The following TCF12 variants were observed in gnomAD, a reference collection of about 807,000 sequenced individuals.
The protein encoded by TCF12 is transcription factor 12, also known as DNA-binding protein HTF4.
A neutral mutation model predicts 86.0 loss-of-function variants in TCF12; 45 were observed. The ratio of observed to expected loss-of-function variants is 0.52; its 90% CI spans 0.41 to 0.67. The LOEUF is 0.67. Among genes scored for constraint, TCF12 ranks in the 30% least tolerant of loss-of-function variants. The probability of loss-of-function intolerance (pLI) is 0.00; values close to 1 mark genes in which losing one functional copy is unlikely to be tolerated. For synonymous variants in TCF12, 330 were observed against 299.6 expected, an observed-to-expected ratio of 1.10 and a Z score of -1.05; for missense variants, 881 against 859.9, an observed-to-expected ratio of 1.02 and a Z score of -0.31.
At chr15:57,195,695 A>C (rs1480765028) in intron 7 of TCF12, among the ~76,000 whole-genome samples, 4 of 152,218 alleles carry the variant, frequency 2.6e-5, no homozygotes, top group Admixed American at 1.3e-4. Flanking sequence ...GAGAATTCCC[A>C]GTCCAAAGTT....
At chr15:57,205,570 A>C (rs750085380) in intron 8 of TCF12, among the ~76,000 whole-genome samples, 1 of 152,238 alleles carries the variant, frequency 6.6e-6, no homozygotes, top group South Asian at 2.1e-4. Flanking sequence ...CTGTGATACA[A>C]AATTTCCAAA....
At chr15:56,979,691 G>GA (rs1158701693) in intron 3 of TCF12, among the ~76,000 whole-genome samples, 1 of 152,090 alleles carries the variant, frequency 6.6e-6, no homozygotes, top group African/African-American at 2.4e-5. Context: ...TTCCTTAGAA[G>GA]AAAAAAATTA....
chr15:57,219,795 G>A (rs981217941), intron 8 of TCF12, among the ~76,000 whole-genome samples: 13 of 146,786 alleles, frequency 8.9e-5, no homozygotes, highest in African/African-American at 3.0e-4. Flanking sequence ...GCTCGATCTC[G>A]GCTCACTGCA....
intron 5 of TCF12, among the ~76,000 whole-genome samples, chr15:57,096,519 A>G (rs542300035): frequency 1.3e-5 from 2 of 151,798 alleles, no homozygotes; most frequent in Non-Finnish European, 2.9e-5. Context: ...CAAGTCCCTT[A>G]TATATATATA....
At chr15:57,283,758 T>C (rs1481097494) in intron 20 of TCF12, among the ~76,000 whole-genome samples, 2 of 152,218 alleles carry the variant, frequency 1.3e-5, no homozygotes, top group African/African-American at 2.4e-5. Context: ...GATAGATTGT[T>C]TGATAGATAA....
chr15:57,201,577 G>C (rs1396531985), intron 8 of TCF12, among the ~76,000 whole-genome samples: 1 of 151,898 alleles, frequency 6.6e-6, no homozygotes, highest in Non-Finnish European at 1.5e-5. Flanking sequence ...CTACTCCAGA[G>C]GTAGATTGAG....
At chr15:57,041,152 A>C (rs1246927822) in intron 3 of TCF12, among the ~76,000 whole-genome samples, 1 of 152,186 alleles carries the variant, frequency 6.6e-6, no homozygotes, top group African/African-American at 2.4e-5. Context: ...AATGCATTGG[A>C]AGACAGATGC....
At chr15:57,227,488 A>G (rs1057031922) in intron 8 of TCF12, among the ~76,000 whole-genome samples, 1 of 152,162 alleles carries the variant, frequency 6.6e-6, no homozygotes, top group Non-Finnish European at 1.5e-5. Context: ...AAGGATAATT[A>G]TGTAATCACT....
chr15:57,087,307 G>A (rs1231922090), intron 4 of TCF12, among the ~76,000 whole-genome samples: 2 of 151,560 alleles, frequency 1.3e-5, no homozygotes, highest in African/African-American at 4.8e-5. Context: ...AGTTACTCAG[G>A]AGGCTGAAGT....
chr15:57,048,637 C>A (rs1174984879), intron 3 of TCF12, among the ~76,000 whole-genome samples: 2 of 152,102 alleles, frequency 1.3e-5, no homozygotes, highest in Admixed American at 1.3e-4. Context: ...CACTCTCTAT[C>A]ATTTAGGTAG....
chr15:56,978,091 C>T (rs1292392092), intron 3 of TCF12, among the ~76,000 whole-genome samples: 1 of 152,182 alleles, frequency 6.6e-6, no homozygotes, highest in Non-Finnish European at 1.5e-5. Context: ...TATTAAAAAG[C>T]ATGCATTTGT....
chr15:57,112,856 A>C (rs889509800), intron 5 of TCF12, among the ~76,000 whole-genome samples: 9 of 152,256 alleles, frequency 5.9e-5, no homozygotes, highest in African/African-American at 1.9e-4. Context: ...TCTAGACATT[A>C]CATTCCATAT....
chr15:57,222,134 C>G (rs1345388151), intron 8 of TCF12, among the ~76,000 whole-genome samples: 4 of 151,576 alleles, frequency 2.6e-5, no homozygotes, highest in South Asian at 2.1e-4. Flanking sequence ...CACATTGATT[C>G]ATTTTTAACA....
At chr15:57,168,284 C>G (rs562950637) in intron 6 of TCF12, among the ~76,000 whole-genome samples, 1 of 152,302 alleles carries the variant, frequency 6.6e-6, no homozygotes, top group East Asian at 1.9e-4. Context: ...GCATACCGCT[C>G]ATGCCTAGTT....
chr15:57,007,471 A>T (rs2064450428), intron 3 of TCF12, among the ~76,000 whole-genome samples: 1 of 152,210 alleles, frequency 6.6e-6, no homozygotes, highest in African/African-American at 2.4e-5. Flanking sequence ...TTTTTGGAGT[A>T]TGGTAAATGT....
chr15:57,027,106 A>G (rs550668475), intron 3 of TCF12, among the ~76,000 whole-genome samples: 2 of 152,302 alleles, frequency 1.3e-5, no homozygotes, highest in South Asian at 4.1e-4. Context: ...ATACAATAAA[A>G]CATACACATT....
intron 3 of TCF12, among the ~76,000 whole-genome samples, chr15:56,948,162 C>A (rs1246557862): frequency 6.6e-6 from 1 of 151,714 alleles, no homozygotes; most frequent in Non-Finnish European, 1.5e-5. Flanking sequence ...CACTCTGTTG[C>A]CCAGGCTGGA....
chr15:56,933,520 C>G (rs1000670231), intron 3 of TCF12, among the ~76,000 whole-genome samples: 4 of 152,064 alleles, frequency 2.6e-5, no homozygotes, highest in African/African-American at 9.7e-5. Flanking sequence ...CGAAGTCTTG[C>G]TTTAGTGTTG....
intron 19 of TCF12, among the ~76,000 whole-genome samples, chr15:57,276,746 C>T (rs1466724893): frequency 4.0e-5 from 6 of 151,852 alleles, no homozygotes; most frequent in Admixed American, 3.9e-4. Flanking sequence ...TGGAGCAGCA[C>T]CTTCAAATTT....
Sources: gnomAD v4.1 joint callset for allele counts (sites outside exome capture counted in the v4.1 genomes callset) on GRCh38, gnomAD v4.1.1 for gene constraint, MANE v1.5 for transcripts, NCBI Gene and HGNC (gene_info 2026-07-23, HGNC 2026-07-21) for gene names.